The following TEX9 variants were observed in gnomAD, a reference collection of about 807,000 sequenced individuals.
TEX9 encodes the protein testis-expressed protein 9.
In TEX9, 74 loss-of-function variants were observed where a neutral mutation model predicts 59.6. That is an observed-to-expected ratio of 1.24 (90% confidence interval 1.03 to 1.51). TEX9 has a LOEUF of 1.51. Among genes scored for constraint, TEX9 ranks in the 40% most tolerant of loss-of-function variants. TEX9 has a pLI of 0.00. For synonymous variants in TEX9, 186 were observed against 152.2 expected, an observed-to-expected ratio of 1.22 and a Z score of -1.64; for missense variants, 522 against 447.8, an observed-to-expected ratio of 1.17 and a Z score of -1.49.
intron 1 of TEX9, among the ~76,000 whole-genome samples, chr15:56,286,695 A>C (rs1463824333): frequency 6.6e-6 from 1 of 152,164 alleles, no homozygotes. Context: ...GCAGAGGTCA[A>C]TTTTCCTGAG....
At chr15:56,244,925 T>A (rs1184259848) in intron 1 of TEX9, among the ~76,000 whole-genome samples, 1 of 152,082 alleles carries the variant, frequency 6.6e-6, no homozygotes, top group Non-Finnish European at 1.5e-5. Context: ...TCAGGGAGGC[T>A]GCGTGGATGT....
At chr15:56,384,259 A>G (rs7177904) in intron 4 of TEX9, among the ~76,000 whole-genome samples, 22,287 of 152,186 alleles carry the variant, frequency 0.15, 2,229 homozygotes, top group East Asian at 0.38. Flanking sequence ...TTTAGAGAGG[A>G]AACAGGAAAA....
intron 12 of TEX9, chr15:56,431,333 C>A: frequency 6.3e-7 from 1 of 1,597,612 alleles, no homozygotes; most frequent in Non-Finnish European, 8.5e-7. Context: ...TTCACTATTA[C>A]AGGTCATGAA....
intron 1 of TEX9, among the ~76,000 whole-genome samples, chr15:56,284,465 G>A (rs912481657): frequency 6.6e-6 from 1 of 151,962 alleles, no homozygotes; most frequent in Admixed American, 6.5e-5. Flanking sequence ...TCAAGTGTAT[G>A]TGATAGCATG....
chr15:56,296,078 C>A (rs2045210750), intron 1 of TEX9, among the ~76,000 whole-genome samples: 1 of 152,146 alleles, frequency 6.6e-6, no homozygotes, highest in Non-Finnish European at 1.5e-5. Context: ...GTGACCCAAT[C>A]CTATAAGTGG....
chr15:56,246,023 G>A (rs530242943), intron 1 of TEX9, among the ~76,000 whole-genome samples: 28 of 152,268 alleles, frequency 1.8e-4, no homozygotes, highest in African/African-American at 6.7e-4. Context: ...GTCATCGAGG[G>A]GGTAACGTAT....
intron 1 of TEX9, among the ~76,000 whole-genome samples, chr15:56,347,523 C>A (rs765434662): frequency 6.7e-6 from 1 of 149,972 alleles, no homozygotes. Flanking sequence ...ACTGGAAACC[C>A]ATAGGCAAAA....
intron 1 of TEX9, among the ~76,000 whole-genome samples, chr15:56,319,912 G>A (rs1318255552): frequency 6.6e-6 from 1 of 152,162 alleles, no homozygotes; most frequent in African/African-American, 2.4e-5. Context: ...TGAGGTAGGT[G>A]GTCCATGTCA....
chr15:56,367,994 C>T (rs2047022865), intron 2 of TEX9, among the ~76,000 whole-genome samples: 2 of 152,146 alleles, frequency 1.3e-5, no homozygotes, highest in African/African-American at 4.8e-5. Context: ...AATTCTCCTA[C>T]ATTCTCTCTT....
intron 12 of TEX9, chr15:56,443,824 A>G (rs1596262341): frequency 6.2e-7 from 1 of 1,604,322 alleles, no homozygotes; most frequent in Non-Finnish European, 8.5e-7. Flanking sequence ...TTCGCATTGC[A>G]TTCATTTTTT....
In TEX9 at chr15:56,267,560, C is replaced by T. The variant is rs545606258; in HGVS notation, c.-107+23282C>T. Reference sequence around the variant, plus strand: ...TTTCTGCATATGGCTAGCCAGTTTTCCTAATACCATTTATTAAATAGGGAA... The same window carrying T: ...TTTCTGCATATGGCTAGCCAGTTTTTCTAATACCATTTATTAAATAGGGAA... On this transcript the variant is annotated intron_variant, in intron 1 of 5. Transcript: ENST00000560827. 6.6e-5 allele frequency among the ~76,000 whole-genome samples: 10 copies of T among 152,276 alleles called. 1 individual carries two copies. In the South Asian group the frequency reaches 1.9e-3, roughly 28 times the overall value.
intron 1 of TEX9, among the ~76,000 whole-genome samples, chr15:56,340,511 T>C (rs1472180238): frequency 6.6e-6 from 1 of 152,216 alleles, no homozygotes; most frequent in Non-Finnish European, 1.5e-5. Context: ...CCATTGCTTT[T>C]TTCAAGCTCC....
At chr15:56,378,370 T>C (rs1253942852) in intron 3 of TEX9, among the ~76,000 whole-genome samples, 1 of 151,972 alleles carries the variant, frequency 6.6e-6, no homozygotes, top group Non-Finnish European at 1.5e-5. Context: ...ACTGGGAAAA[T>C]TTTTTATTGT....
chr15:56,367,336 C>A (rs1447083349), intron 2 of TEX9, among the ~76,000 whole-genome samples: 1 of 152,196 alleles, frequency 6.6e-6, no homozygotes, highest in African/African-American at 2.4e-5. Flanking sequence ...CTGGCCATCC[C>A]TGTAAGCAAG....
intron 6 of TEX9, 64 bp from the exon 7 acceptor site, chr15:56,391,179 A>G: frequency 1.8e-6 from 2 of 1,095,662 alleles, no homozygotes; most frequent in Non-Finnish European, 2.4e-6. Flanking sequence ...TATCCTGTCT[A>G]CCTTTCCTAT....
intron 1 of TEX9, among the ~76,000 whole-genome samples, chr15:56,306,869 A>G (rs967636984): frequency 1.3e-5 from 2 of 152,226 alleles, no homozygotes; most frequent in East Asian, 3.9e-4. Context: ...TCCCATAAAT[A>G]TATACTCCTA....
At chr15:56,307,250 G>A (rs766229291) in intron 1 of TEX9, among the ~76,000 whole-genome samples, 1 of 152,152 alleles carries the variant, frequency 6.6e-6, no homozygotes, top group Non-Finnish European at 1.5e-5. Flanking sequence ...TTGTCTCAAT[G>A]TTTATCCTCT....
intron 1 of TEX9, among the ~76,000 whole-genome samples, chr15:56,255,607 C>T (rs550772944): frequency 8.6e-5 from 13 of 151,714 alleles, no homozygotes; most frequent in South Asian, 2.1e-4. Flanking sequence ...AAGAATAATG[C>T]GAAAAGGGTT....
chr15:56,452,252 A>G, the TEX9 span, among the ~76,000 whole-genome samples: 4 of 152,282 alleles, frequency 2.6e-5, no homozygotes, highest in African/African-American at 7.2e-5. Context: ...TGGCAAAGGA[A>G]AAAGGCACAT....
Sources: allele counts gnomAD v4.1 joint callset (sites outside exome capture counted in the v4.1 genomes callset), GRCh38; gene constraint gnomAD v4.1.1; transcripts MANE v1.5; gene names NCBI Gene and HGNC (gene_info 2026-07-23, HGNC 2026-07-21).